The following RAB40C variants were observed in gnomAD, a reference collection of about 807,000 sequenced individuals.
RAB40C encodes ras-related protein Rab-40C.
RAB40C carries 8 observed loss-of-function variants against 28.1 expected under a neutral mutation model. The ratio of observed to expected loss-of-function variants is 0.28; its 90% confidence interval spans 0.17 to 0.51. The LOEUF is 0.51. Ranked by LOEUF, RAB40C falls within the 20% of genes least tolerant of loss-of-function variation. The pLI, the probability that RAB40C is intolerant of heterozygous loss-of-function variation, is 0.97. For synonymous variants in RAB40C, 201 were observed against 171.7 expected, an observed-to-expected ratio of 1.17 and a Z score of -1.34; for missense variants, 288 against 405.9, an observed-to-expected ratio of 0.71 and a Z score of 2.50.
At chr16:617,668 C>T (rs889225873) in intron 2 of RAB40C, among the ~76,000 whole-genome samples, 10 of 152,096 alleles carry the variant, frequency 6.6e-5, no homozygotes, top group East Asian at 1.9e-4. Context: ...CATGGTGAAA[C>T]GCCATCTCTA....
intron 1 of RAB40C, among the ~76,000 whole-genome samples, chr16:604,056 T>G (rs1344323157): frequency 7.1e-6 from 1 of 140,102 alleles, no homozygotes; most frequent in Non-Finnish European, 1.6e-5. Context: ...TTCTTTTTTC[T>G]TTTTCTTTTT....
At chr16:593,233 T>A (rs941981843) in intron 1 of RAB40C, among the ~76,000 whole-genome samples, 2 of 152,146 alleles carry the variant, frequency 1.3e-5, no homozygotes, top group African/African-American at 4.8e-5. Context: ...CAGGGTGAAG[T>A]TGGTGGATCT....
At chr16:603,082 G>C (rs2036289122) in intron 1 of RAB40C, among the ~76,000 whole-genome samples, 1 of 152,216 alleles carries the variant, frequency 6.6e-6, no homozygotes, top group South Asian at 2.1e-4. Flanking sequence ...GAGTAGCTGG[G>C]GCCAGACCTG....
Position 590,426 on chromosome 16 carries a change from C to T in RAB40C, c.135C>T (p.Tyr45=). 1 of 1,588,672 alleles carries T rather than the reference C, an allele frequency of 6.3e-7. No homozygotes were observed. Among genetic ancestry groups the T allele is most frequent in the South Asian group, 1.1e-5 (1 of 88,476 alleles). Reference sequence around the variant, plus strand: ...GCGCGGCAGAGTCCCCGTACGCCTACAGTAACGGTAAGGCCCGGCCCGCGG... The same window carrying T: ...GCGCGGCAGAGTCCCCGTACGCCTATAGTAACGGTAAGGCCCGGCCCGCGG... ...QDGAAESPYA[Y]SNGIDYKTTT... is the part of the protein sequence containing the mutation. The change falls in exon 1 of 6, where the codon TAC becomes TAT. Residue 45 remains tyrosine, a synonymous_variant. Coordinates refer to ENST00000248139, the MANE Select transcript of RAB40C (RefSeq NM_021168.5).
Position 599,669 on chromosome 16 carries a change from C to T in RAB40C, c.142+9236C>T, listed in dbSNP as rs935169261. ...GCGTGGATTCAGCAAGGTTTTGTTC[C>T]CTTGTGGCATCAGTCAGCGTGGATT... On this transcript the variant is annotated intron_variant, in intron 1 of 5. Coordinates refer to ENST00000248139, the MANE Select transcript of RAB40C (RefSeq NM_021168.5). 3.4e-5 allele frequency among the ~76,000 whole-genome samples: 5 copies of T among 147,184 alleles called. 1 individual carries two copies. The highest frequency in any genetic ancestry group is 1.2e-4 in the African/African-American group (5 of 40,104).
intron 1 of RAB40C, among the ~76,000 whole-genome samples, chr16:602,803 C>T (rs895351806): frequency 1.3e-5 from 2 of 152,194 alleles, no homozygotes; most frequent in Admixed American, 6.5e-5. Context: ...CTCCTGGGCT[C>T]AAGTGATTCT....
chr16:627,766 G>C lies in RAB40C; in HGVS notation c.*144G>C. ...CCGGGCTTTCCTCACACCTGAGCCG[G>C]GTGCGAGGAGGAGCATGCACGGACC... On this transcript the variant is annotated 3_prime_UTR_variant, in exon 6 of 6. Transcript: ENST00000248139. 6 of 1,078,090 alleles carry C rather than the reference G, an allele frequency of 5.6e-6. No homozygotes were observed. Among genetic ancestry groups the C allele is most frequent in the Non-Finnish European group, 7.6e-6 (6 of 786,176 alleles). 66.8% of individuals were successfully genotyped at this position (1,078,090 alleles called of 1,614,324 possible).
intron 1 of RAB40C, 143 bp downstream of exon 1, chr16:590,576 T>C: frequency 8.8e-7 from 1 of 1,141,546 alleles, no homozygotes; most frequent in Non-Finnish European, 1.2e-6. Flanking sequence ...ACTCGGTAGC[T>C]CGGTGGCTGC....
intron 1 of RAB40C, among the ~76,000 whole-genome samples, chr16:611,492 T>C (rs1187519793): frequency 6.6e-6 from 1 of 152,206 alleles, no homozygotes; most frequent in Non-Finnish European, 1.5e-5. Context: ...CGTCCCTGTG[T>C]CCCTGCTTGA....
At position 625,487 on chromosome 16, in the gene RAB40C, G is replaced by T; in HGVS notation, c.320G>T (p.Arg107Leu). The T allele has an allele frequency of 6.2e-7, 1 of 1,613,450 alleles. No individual in the cohort carries two copies. The highest frequency in any genetic ancestry group is 1.1e-5 in the South Asian group (1 of 91,078). ...CGCTGGTCCTTTGACGGCATCGACC[G>T]CTGGATCAAGGAGATCGATGAGGTA... ...TNRWSFDGID[R>L]WIKEIDEHAP... The change falls in exon 4 of 6, where the codon CGC (arginine) becomes CTC (leucine). Residue 107 changes from arginine (R) to leucine (L), a missense_variant. By Grantham distance (102) the Arg-to-Leu change is moderately radical. Coordinates refer to ENST00000248139, the MANE Select transcript of RAB40C (RefSeq NM_021168.5).
intron 1 of RAB40C, among the ~76,000 whole-genome samples, chr16:608,845 C>T (rs1596406169): frequency 6.6e-6 from 1 of 152,130 alleles, no homozygotes. Flanking sequence ...AATTGTGTGG[C>T]GGCTCATACC....
intron 3 of RAB40C, among the ~76,000 whole-genome samples, chr16:620,814 G>A (rs1285511446): frequency 1.6e-5 from 2 of 123,928 alleles, no homozygotes; most frequent in African/African-American, 3.2e-5. Flanking sequence ...GGGCTCCACC[G>A]CGGGCATCCC....
intron 3 of RAB40C, among the ~76,000 whole-genome samples, chr16:619,848 A>G (rs915663233): frequency 6.6e-6 from 1 of 152,178 alleles, no homozygotes; most frequent in Non-Finnish European, 1.5e-5. Context: ...TCTACACTGA[A>G]GTGTAGTCGG....
intron 3 of RAB40C, among the ~76,000 whole-genome samples, chr16:620,678 G>A (rs1198340446): frequency 1.3e-5 from 1 of 77,496 alleles, no homozygotes; most frequent in Non-Finnish European, 2.4e-5. Context: ...CTCCACCGCG[G>A]GCATCCCAGC....
intron 2 of RAB40C, 39 bp from the exon 3 acceptor site, chr16:618,161 G>C: frequency 6.3e-7 from 1 of 1,598,880 alleles, no homozygotes; most frequent in Non-Finnish European, 8.5e-7. Context: ...CTCTCACAGG[G>C]ACCACAGTCC....
At chr16:591,594 TTC>T (rs1479736493) in intron 1 of RAB40C, among the ~76,000 whole-genome samples, 1 of 151,974 alleles carries the variant, frequency 6.6e-6, no homozygotes, top group African/African-American at 2.4e-5. Context: ...TTTCTTTTCT[TTC>T]TTTTTTTTTT....
chr16:591,723 C>G (rs995394839), intron 1 of RAB40C, among the ~76,000 whole-genome samples: 1 of 151,936 alleles, frequency 6.6e-6, no homozygotes, highest in Non-Finnish European at 1.5e-5. Flanking sequence ...TCCCGAGTAG[C>G]TGGGACTACA....
intron 1 of RAB40C, among the ~76,000 whole-genome samples, chr16:608,281 A>G (rs879789495): frequency 6.6e-6 from 1 of 152,174 alleles, no homozygotes; most frequent in Non-Finnish European, 1.5e-5. Context: ...GCACAAAAAC[A>G]GCAGGGGGGA....
At chr16:625,124 A>T in intron 3 of RAB40C, 1 of 1,339,804 alleles carries the variant, frequency 7.5e-7, no homozygotes, top group Non-Finnish European at 9.8e-7. Context: ...CCCGGCTGCC[A>T]GAACCCCGCA....
Sources: allele counts gnomAD v4.1 joint callset (sites outside exome capture counted in the v4.1 genomes callset), GRCh38; gene constraint gnomAD v4.1.1; transcripts MANE v1.5; gene names NCBI Gene and HGNC (gene_info 2026-07-23, HGNC 2026-07-21).